Variants in NXPH1 observed in about 807,000 individuals in gnomAD.
NXPH1 encodes neurexophilin-1.
A neutral mutation model predicts 23.7 loss-of-function variants in NXPH1; 5 were observed. That is an observed-to-expected ratio of 0.21 (90% CI 0.11 to 0.44). The LOEUF is 0.44. Among genes scored for constraint, NXPH1 ranks in the 20% least tolerant of loss-of-function variants. The probability of loss-of-function intolerance (pLI) is 0.99; values close to 1 mark genes in which losing one functional copy is unlikely to be tolerated. For synonymous variants in NXPH1, 144 were observed against 122.2 expected, an observed-to-expected ratio of 1.18 and a Z score of -1.18; for missense variants, 324 against 321.6, an observed-to-expected ratio of 1.01 and a Z score of -0.06.
intron 2 of NXPH1, among the ~76,000 whole-genome samples, chr7:8,644,179 T>C (rs1820360043): frequency 3.3e-5 from 5 of 152,218 alleles, no homozygotes; most frequent in Non-Finnish European, 7.3e-5. Flanking sequence ...GTTTTCTTTC[T>C]TTGGAAAGTA....
At chr7:8,747,688 T>C (rs1780494305) in intron 2 of NXPH1, among the ~76,000 whole-genome samples, 1 of 152,218 alleles carries the variant, frequency 6.6e-6, no homozygotes. Flanking sequence ...GGCATAAATG[T>C]AGGAACTGTG....
intron 2 of NXPH1, among the ~76,000 whole-genome samples, chr7:8,469,067 ATTTAAGTATC>A (rs1816829780): frequency 6.6e-6 from 1 of 152,038 alleles, no homozygotes; most frequent in Admixed American, 6.6e-5. Context: ...TAAAAAGTAG[ATTTAAGTATC>A]TTTAAGATAC....
At chr7:8,492,564 C>A (rs1321962676) in intron 2 of NXPH1, among the ~76,000 whole-genome samples, 1 of 151,946 alleles carries the variant, frequency 6.6e-6, no homozygotes, top group East Asian at 1.9e-4. Context: ...ATAAAACACA[C>A]ATGATTGCTG....
chr7:8,485,918 G>A (rs1234280897), intron 2 of NXPH1, among the ~76,000 whole-genome samples: 1 of 152,084 alleles, frequency 6.6e-6, no homozygotes, highest in Non-Finnish European at 1.5e-5. Flanking sequence ...CCATTTGTGG[G>A]TTAAACTTCA....
chr7:8,597,631 A>G (rs1819254640), intron 2 of NXPH1, among the ~76,000 whole-genome samples: 1 of 148,554 alleles, frequency 6.7e-6, no homozygotes, highest in Non-Finnish European at 1.5e-5. Context: ...GAGTTGTCTA[A>G]AGAATTAGAA....
intron 2 of NXPH1, among the ~76,000 whole-genome samples, chr7:8,467,507 A>G (rs1393063096): frequency 2.0e-5 from 3 of 152,186 alleles, no homozygotes; most frequent in Non-Finnish European, 4.4e-5. Flanking sequence ...ACTATCTTAC[A>G]TCTTACACTC....
chr7:8,509,667 C>A (rs1817583267), intron 2 of NXPH1, among the ~76,000 whole-genome samples: 1 of 152,004 alleles, frequency 6.6e-6, no homozygotes. Flanking sequence ...AGGAGAGTGA[C>A]AAAAGGGGAC....
chr7:8,450,600 G>A (rs1397313621), intron 2 of NXPH1, among the ~76,000 whole-genome samples: 1 of 152,260 alleles, frequency 6.6e-6, no homozygotes, highest in African/African-American at 2.4e-5. Flanking sequence ...TCTGGTAAGA[G>A]ATGAGGGAGG....
chr7:8,750,761 G>T (rs753209914), intron 2 of NXPH1, among the ~76,000 whole-genome samples: 1 of 151,944 alleles, frequency 6.6e-6, no homozygotes, highest in African/African-American at 2.4e-5. Context: ...AAATATAAGT[G>T]GTGTTTTATC....
At chr7:8,503,191 A>C (rs138107391) in intron 2 of NXPH1, among the ~76,000 whole-genome samples, 147 of 152,136 alleles carry the variant, frequency 9.7e-4, no homozygotes, top group Admixed American at 2.7e-3. Flanking sequence ...TAACTGGAAC[A>C]CTTTTTAACA....
chr7:8,558,392 A>G (rs1373958826), intron 2 of NXPH1, among the ~76,000 whole-genome samples: 2 of 151,820 alleles, frequency 1.3e-5, no homozygotes, highest in East Asian at 3.9e-4. Flanking sequence ...TTGAAGAGTT[A>G]GAGCAGCTGG....
At chr7:8,708,414 A>C (rs910225463) in intron 2 of NXPH1, among the ~76,000 whole-genome samples, 15 of 152,040 alleles carry the variant, frequency 9.9e-5, no homozygotes, top group African/African-American at 3.4e-4. Flanking sequence ...AGGCTACAGT[A>C]CAATGGCACG....
At chr7:8,590,304 C>T (rs1039354350) in intron 2 of NXPH1, among the ~76,000 whole-genome samples, 5 of 152,020 alleles carry the variant, frequency 3.3e-5, no homozygotes, top group Admixed American at 3.3e-4. Flanking sequence ...TCTAGGCTAC[C>T]AGGTAAAGAC....
At chr7:8,642,445 A>C (rs1820332032) in intron 2 of NXPH1, among the ~76,000 whole-genome samples, 1 of 152,202 alleles carries the variant, frequency 6.6e-6, no homozygotes, top group Non-Finnish European at 1.5e-5. Flanking sequence ...GATATCCCTT[A>C]GATGGGCATG....
chr7:8,690,911 A>C (rs1245585513), intron 2 of NXPH1, among the ~76,000 whole-genome samples: 1 of 152,054 alleles, frequency 6.6e-6, no homozygotes, highest in Admixed American at 6.6e-5. Flanking sequence ...TGTTCATAGG[A>C]TCTTGCACTG....
intron 2 of NXPH1, among the ~76,000 whole-genome samples, chr7:8,659,891 TATC>T (rs1231455674): frequency 6.6e-6 from 1 of 152,182 alleles, no homozygotes; most frequent in Non-Finnish European, 1.5e-5. Context: ...TGATGCAACT[TATC>T]ATCCAGTGCT....
chr7:8,525,352 C>T (rs1817844637), intron 2 of NXPH1, among the ~76,000 whole-genome samples: 1 of 152,106 alleles, frequency 6.6e-6, no homozygotes, highest in Non-Finnish European at 1.5e-5. Flanking sequence ...TAAAGGCATT[C>T]AGTTTTATAA....
intron 2 of NXPH1, among the ~76,000 whole-genome samples, chr7:8,584,908 A>T (rs1818951795): frequency 6.6e-6 from 1 of 152,230 alleles, no homozygotes; most frequent in South Asian, 2.1e-4. Context: ...TAGACTGCTT[A>T]GACTGACCAC....
chr7:8,575,798 C>T (rs1818743966), intron 2 of NXPH1, among the ~76,000 whole-genome samples: 3 of 151,500 alleles, frequency 2.0e-5, no homozygotes, highest in Admixed American at 6.6e-5. Flanking sequence ...TCAAAGTTAG[C>T]TAGCTATGGC....
Sources: allele counts gnomAD v4.1 joint callset (sites outside exome capture counted in the v4.1 genomes callset), GRCh38; gene constraint gnomAD v4.1.1; transcripts MANE v1.5; gene names NCBI Gene and HGNC (gene_info 2026-07-23, HGNC 2026-07-21).